Variants in SULF1 observed in about 807,000 individuals in gnomAD.
The protein encoded by SULF1 is sulfatase 1.
Under a neutral mutation model 110.5 loss-of-function variants are expected in SULF1, and 46 were observed. That is an observed-to-expected ratio of 0.42 (90% CI 0.33 to 0.53). SULF1 has a LOEUF of 0.53. Among genes scored for constraint, SULF1 ranks in the 20% least tolerant of loss-of-function variants. SULF1 has a pLI of 0.12. For synonymous variants in SULF1, 371 were observed against 387.1 expected (o/e 0.96, Z 0.49); for missense variants, 941 against 1,094.2 (o/e 0.86, Z 1.98).
At chr8:69,502,896 AG>A (rs1810916611) in intron 3 of SULF1, among the ~76,000 whole-genome samples, 1 of 151,964 alleles carries the variant, frequency 6.6e-6, no homozygotes, top group Non-Finnish European at 1.5e-5. Flanking sequence ...CATGTTGGCC[AG>A]GCTGGTCTTG....
intron 6 of SULF1, among the ~76,000 whole-genome samples, chr8:69,577,340 G>T (rs889288840): frequency 1.3e-5 from 2 of 152,180 alleles, no homozygotes; most frequent in Admixed American, 6.5e-5. Context: ...GTTCATAGAT[G>T]GCAAATGTAC....
chr8:69,484,627 T>C (rs1809624653), intron 1 of SULF1, among the ~76,000 whole-genome samples: 1 of 152,234 alleles, frequency 6.6e-6, no homozygotes, highest in African/African-American at 2.4e-5. Context: ...TTTAACTATC[T>C]GGATAATCTT....
chr8:69,581,219 C>A (rs1458943996), intron 6 of SULF1, among the ~76,000 whole-genome samples: 1 of 152,112 alleles, frequency 6.6e-6, no homozygotes, highest in Non-Finnish European at 1.5e-5. Context: ...TAGTTACTAG[C>A]GTGAAATCCA....
chr8:69,498,346 G>C (rs1359850247), intron 2 of SULF1, among the ~76,000 whole-genome samples: 1 of 145,748 alleles, frequency 6.9e-6, no homozygotes, highest in Non-Finnish European at 1.5e-5. Context: ...CAGAGTCTTG[G>C]AGTCTATATT....
chr8:69,602,130 C>T (rs9773731), intron 10 of SULF1, among the ~76,000 whole-genome samples: 6,041 of 152,110 alleles, frequency 0.04, 410 homozygotes, highest in African/African-American at 0.14. Context: ...GGATATCACC[C>T]TTCTTTGAAT....
rs746306673 is a variant in SULF1, at chr8:69,603,585, T to C, written c.1191-15T>C. On this transcript the variant is annotated splice_polypyrimidine_tract_variant and intron_variant, in intron 11 of 22. Coordinates refer to ENST00000402687, the MANE Select transcript of SULF1 (RefSeq NM_001128205.2). Reference sequence around the variant, plus strand: ...GTCCAGATGCCAAAAGTAAATATTATCATTTTGCTTTCAGGTTTCGAACAA... The same window carrying C: ...GTCCAGATGCCAAAAGTAAATATTACCATTTTGCTTTCAGGTTTCGAACAA... The C allele has an allele frequency of 1.2e-6, 2 of 1,605,948 alleles. No individual in the cohort carries two copies. The highest frequency in any genetic ancestry group is 2.2e-5 in the South Asian group (2 of 90,928).
At chr8:69,625,446 CT>C (rs1809927560) in intron 15 of SULF1, among the ~76,000 whole-genome samples, 3 of 152,322 alleles carry the variant, frequency 2.0e-5, no homozygotes, top group Admixed American at 2.0e-4. Flanking sequence ...GCTGCGGACC[CT>C]CGTGGTGAGT....
At chr8:69,623,533 C>T (rs1809775550) in intron 14 of SULF1, among the ~76,000 whole-genome samples, 1 of 152,164 alleles carries the variant, frequency 6.6e-6, no homozygotes, top group Admixed American at 6.5e-5. Flanking sequence ...AAAGGATAGT[C>T]ATTATTATTA....
chr8:69,652,877 A>G (rs1420581131), intron 22 of SULF1, among the ~76,000 whole-genome samples: 1 of 152,142 alleles, frequency 6.6e-6, no homozygotes, highest in Admixed American at 6.5e-5. Context: ...GCTGCGTTGG[A>G]GTCTCTCAGT....
chr8:69,525,979 T>C (rs1003646605), intron 3 of SULF1, among the ~76,000 whole-genome samples: 2 of 152,238 alleles, frequency 1.3e-5, no homozygotes, highest in South Asian at 4.1e-4. Context: ...AGTAACACCC[T>C]AGCTCTATTC....
At chr8:69,644,462 G>C (rs1289974781) in intron 22 of SULF1, among the ~76,000 whole-genome samples, 1 of 152,012 alleles carries the variant, frequency 6.6e-6, no homozygotes, top group Non-Finnish European at 1.5e-5. Context: ...AAACAAAAAG[G>C]TATTCACCAG....
intron 5 of SULF1, 50 bp from the exon 6 acceptor site, chr8:69,575,920 G>A (rs370841218): frequency 5.7e-6 from 9 of 1,592,494 alleles, no homozygotes; most frequent in South Asian, 1.1e-5. Context: ...ATCGAAATAG[G>A]CATTCATGTG....
intron 14 of SULF1, among the ~76,000 whole-genome samples, chr8:69,621,586 C>G (rs1181070255): frequency 6.6e-6 from 1 of 152,228 alleles, no homozygotes; most frequent in African/African-American, 2.4e-5. Context: ...ATGCCAACAT[C>G]TCCTGACTTG....
chr8:69,630,419 A>C (rs1299603373), intron 19 of SULF1, among the ~76,000 whole-genome samples: 1 of 152,218 alleles, frequency 6.6e-6, no homozygotes, highest in Non-Finnish European at 1.5e-5. Context: ...CACCCGGGCT[A>C]CTGTTTCTCA....
rs945091865 is a variant in SULF1 at position 69,636,515 on chromosome 8, C to T, written c.2285-1987C>T. Among the ~76,000 whole-genome samples, 6 of 150,644 alleles carry T rather than the reference C, an allele frequency of 4.0e-5. 1 individual carries two copies. Among genetic ancestry groups the T allele is most frequent in the Admixed American group, 1.3e-4 (2 of 15,186 alleles). Reference sequence around the variant, plus strand: ...TCGCTCCACTGCACTCCAGCCTGGGCGACAGAGCGATACTCCATCTCAAGA... The same window carrying T: ...TCGCTCCACTGCACTCCAGCCTGGGTGACAGAGCGATACTCCATCTCAAGA... On this transcript the variant is annotated intron_variant, in intron 19 of 22. Coordinates refer to ENST00000402687, the MANE Select transcript of SULF1 (RefSeq NM_001128205.2).
intron 14 of SULF1, among the ~76,000 whole-genome samples, 177 bp downstream of exon 14, chr8:69,621,428 G>A (rs951416958): frequency 1.3e-5 from 2 of 152,164 alleles, no homozygotes; most frequent in Admixed American, 6.5e-5. Flanking sequence ...GTGACATTTT[G>A]CTTTGTAAAC....
chr8:69,533,074 T>A (rs1464142452), intron 3 of SULF1, among the ~76,000 whole-genome samples: 1 of 152,126 alleles, frequency 6.6e-6, no homozygotes, highest in Non-Finnish European at 1.5e-5. Flanking sequence ...CCTCTAATAG[T>A]TTTCTGTATG....
intron 3 of SULF1, among the ~76,000 whole-genome samples, chr8:69,529,641 G>C (rs1485854229): frequency 6.6e-6 from 1 of 152,040 alleles, no homozygotes; most frequent in Non-Finnish European, 1.5e-5. Context: ...TTGTTCTAAG[G>C]GACTTACTAG....
chr8:69,596,263 G>A (rs1807321748), intron 8 of SULF1, among the ~76,000 whole-genome samples: 1 of 152,112 alleles, frequency 6.6e-6, no homozygotes, highest in South Asian at 2.1e-4. Context: ...TATCTAACAG[G>A]CAACAGAAAG....
Sources: allele counts gnomAD v4.1 joint callset (sites outside exome capture counted in the v4.1 genomes callset), GRCh38; gene constraint gnomAD v4.1.1; transcripts MANE v1.5; gene names NCBI Gene and HGNC (gene_info 2026-07-23, HGNC 2026-07-21).